Variants in TMEM267 observed in about 807,000 individuals in gnomAD.
TMEM267 encodes the protein transmembrane protein 267, also known as transmembrane protein C5orf28.
Under a neutral mutation model 19.3 loss-of-function variants are expected in TMEM267, and 20 were observed. That is an observed-to-expected ratio of 1.04 (90% CI 0.73 to 1.51). The LOEUF (loss-of-function observed/expected upper bound fraction) is 1.51, where lower values mean the gene tolerates loss of function less well. TMEM267 is among the 40% of genes most tolerant of loss of function. The probability of loss-of-function intolerance (pLI) is 0.00; values close to 1 mark genes in which losing one functional copy is unlikely to be tolerated. For synonymous variants in TMEM267, 88 were observed against 90.3 expected, an observed-to-expected ratio of 0.97 and a Z score of 0.15; for missense variants, 242 against 261.9, an observed-to-expected ratio of 0.92 and a Z score of 0.52.
chr5:43,482,002 C>T (rs1180752219), intron 1 of TMEM267, among the ~76,000 whole-genome samples: 1 of 152,116 alleles, frequency 6.6e-6, no homozygotes, highest in African/African-American at 2.4e-5. Context: ...GCCACCACGC[C>T]CGGCTAATTT....
intron 1 of TMEM267, among the ~76,000 whole-genome samples, chr5:43,456,478 GAGAA>G (rs1377879348): frequency 6.6e-6 from 1 of 151,952 alleles, no homozygotes; most frequent in Non-Finnish European, 1.5e-5. Flanking sequence ...ACAATGTTAA[GAGAA>G]AGAAAAAACA....
chr5:43,448,991 A>G (rs957039030), intron 2 of TMEM267, among the ~76,000 whole-genome samples: 1 of 152,140 alleles, frequency 6.6e-6, no homozygotes, highest in Non-Finnish European at 1.5e-5. Context: ...TTAAAAAAAG[A>G]TAATAATTGA....
chr5:43,455,091 G>A (rs977680155), intron 1 of TMEM267, among the ~76,000 whole-genome samples: 1 of 152,114 alleles, frequency 6.6e-6, no homozygotes, highest in African/African-American at 2.4e-5. Flanking sequence ...AAACTAAGTT[G>A]GAGGACTACT....
chr5:43,455,931 G>A (rs1451555410), intron 1 of TMEM267, among the ~76,000 whole-genome samples: 1 of 151,314 alleles, frequency 6.6e-6, no homozygotes, highest in Non-Finnish European at 1.5e-5. Flanking sequence ...TACCTCCCAC[G>A]TTTAAGAAGT....
chr5:43,464,161 A>C (rs982423582), intron 1 of TMEM267, among the ~76,000 whole-genome samples: 1 of 152,150 alleles, frequency 6.6e-6, no homozygotes, highest in African/African-American at 2.4e-5. Flanking sequence ...TACACCAATA[A>C]CAGACAAACA....
At chr5:43,454,748 C>T (rs1561187133) in intron 1 of TMEM267, 1 of 152,178 alleles carries the variant, frequency 6.6e-6, no homozygotes, top group Non-Finnish European at 1.5e-5. Context: ...TGAGCTACCC[C>T]AACATTTTCC....
intron 1 of TMEM267, among the ~76,000 whole-genome samples, chr5:43,471,056 A>G (rs891454025): frequency 1.3e-5 from 2 of 152,118 alleles, no homozygotes; most frequent in African/African-American, 2.4e-5. Flanking sequence ...AGAAAAAAAG[A>G]GGGAAGATAA....
chr5:43,452,618 GTACTC>G (rs1742676929), intron 2 of TMEM267, among the ~76,000 whole-genome samples: 1 of 144,226 alleles, frequency 6.9e-6, no homozygotes, highest in African/African-American at 2.6e-5. Context: ...GAAAAGAAAA[GTACTC>G]TACTAACACC....
intron 1 of TMEM267, among the ~76,000 whole-genome samples, chr5:43,462,187 C>T (rs191426810): frequency 7.2e-5 from 11 of 152,278 alleles, no homozygotes; most frequent in East Asian, 3.9e-4. Flanking sequence ...ACCATCAAGG[C>T]GGTACCTCTA....
chr5:43,477,537 T>G (rs1178254112), intron 1 of TMEM267, among the ~76,000 whole-genome samples: 1 of 139,254 alleles, frequency 7.2e-6, no homozygotes, highest in African/African-American at 2.7e-5. Context: ...GAGGTTGCAG[T>G]GAGCAGAATG....
Position 43,453,707 on chromosome 5 carries a change from G to C in TMEM267, c.263C>G (p.Ser88Cys). 5 of 1,614,086 alleles carry C rather than the reference G, an allele frequency of 3.1e-6. No individual in the cohort carries two copies. The highest frequency in any genetic ancestry group is 4.2e-6 in the Non-Finnish European group (5 of 1,179,950). ...AAAAAAGTGGTCTACATCAATAACA[G>C]AGGCTAAAAATCCAGCTAAAATGAT... Reference protein sequence around the residue: ...GEIILAGFLASVIDVDHFFLA... With the variant: ...GEIILAGFLACVIDVDHFFLA... The change falls in exon 2 of 3, where the codon TCT becomes TGT. Residue 88 changes from serine (S) to cysteine (C), a missense_variant. By Grantham distance (112) the Ser-to-Cys change is moderately radical. Transcript: ENST00000397080.
At chr5:43,458,669 A>G (rs1743089507) in intron 1 of TMEM267, among the ~76,000 whole-genome samples, 1 of 152,222 alleles carries the variant, frequency 6.6e-6, no homozygotes, top group Non-Finnish European at 1.5e-5. Context: ...ACAGTTAATT[A>G]CATGTCAATT....
intron 1 of TMEM267, among the ~76,000 whole-genome samples, chr5:43,465,301 G>A (rs954918598): frequency 1.1e-4 from 17 of 152,178 alleles, no homozygotes; most frequent in African/African-American, 3.1e-4. Flanking sequence ...CAAAAGTCAG[G>A]AAACAACAGG....
At chr5:43,475,563 C>T (rs1161946822) in intron 1 of TMEM267, among the ~76,000 whole-genome samples, 2 of 151,820 alleles carry the variant, frequency 1.3e-5, no homozygotes, top group East Asian at 3.8e-4. Flanking sequence ...ATTATAACAT[C>T]GTTTTGGCGG....
chr5:43,483,377 A>C (rs547463477), intron 1 of TMEM267, among the ~76,000 whole-genome samples: 1 of 152,328 alleles, frequency 6.6e-6, no homozygotes, highest in East Asian at 1.9e-4. Context: ...CTGCAGGGAA[A>C]GGACCATGTC....
intron 1 of TMEM267, chr5:43,454,375 C>T (rs921799582): frequency 1.3e-5 from 2 of 158,302 alleles, no homozygotes; most frequent in African/African-American, 4.8e-5. Context: ...TTTGTGTACC[C>T]AACAACTACT....
At chr5:43,459,411 C>T (rs188488057) in intron 1 of TMEM267, among the ~76,000 whole-genome samples, 1 of 152,144 alleles carries the variant, frequency 6.6e-6, no homozygotes, top group Non-Finnish European at 1.5e-5. Context: ...TTAAATTTCT[C>T]TATAAAGAGA....
chr5:43,471,707 C>A (rs536454680), intron 1 of TMEM267, among the ~76,000 whole-genome samples: 1 of 152,188 alleles, frequency 6.6e-6, no homozygotes, highest in Admixed American at 6.5e-5. Context: ...ACAGTCTATT[C>A]AACAAATGGT....
intron 1 of TMEM267, 119 bp from the exon 2 acceptor site, chr5:43,454,162 C>A: frequency 1.1e-5 from 6 of 556,904 alleles, no homozygotes; most frequent in South Asian, 3.0e-5. Flanking sequence ...ATACTGGCAA[C>A]TTTTACATGT....
Sources: allele counts gnomAD v4.1 joint callset (sites outside exome capture counted in the v4.1 genomes callset), GRCh38; gene constraint gnomAD v4.1.1; transcripts MANE v1.5; gene names NCBI Gene and HGNC (gene_info 2026-07-23, HGNC 2026-07-21).